Variants in MAPKAP1 observed in about 807,000 individuals in gnomAD.
MAPKAP1 encodes target of rapamycin complex 2 subunit MAPKAP1.
In MAPKAP1, 20 loss-of-function variants were observed where a neutral mutation model predicts 65.7. That is an observed-to-expected ratio of 0.30 (90% CI 0.21 to 0.44). The LOEUF is 0.44. Ranked by LOEUF, MAPKAP1 falls within the 20% of genes least tolerant of loss-of-function variation. The pLI, the probability that MAPKAP1 is intolerant of heterozygous loss-of-function variation, is 1.00. For synonymous variants in MAPKAP1, 222 were observed against 244.3 expected (o/e 0.91, Z 0.85); for missense variants, 423 against 648.0 (o/e 0.65, Z 3.77).
intron 5 of MAPKAP1, among the ~76,000 whole-genome samples, chr9:125,579,957 T>A (rs757895683): frequency 2.0e-5 from 3 of 152,226 alleles, no homozygotes; most frequent in Non-Finnish European, 4.4e-5. Context: ...AAATGTCATA[T>A]AATTGTAGTC....
chr9:125,541,119 G>A (rs1345548528), intron 7 of MAPKAP1, among the ~76,000 whole-genome samples: 1 of 152,186 alleles, frequency 6.6e-6, no homozygotes, highest in Admixed American at 6.5e-5. Flanking sequence ...AAATAACGCA[G>A]ATCACTGTTT....
intron 1 of MAPKAP1, among the ~76,000 whole-genome samples, chr9:125,704,365 G>A (rs1384104209): frequency 6.6e-6 from 1 of 152,162 alleles, no homozygotes; most frequent in Non-Finnish European, 1.5e-5. Flanking sequence ...CACCAGCAGA[G>A]TAAGTACTCA....
intron 6 of MAPKAP1, among the ~76,000 whole-genome samples, chr9:125,555,565 A>C (rs1182049803): frequency 6.6e-6 from 1 of 152,200 alleles, no homozygotes; most frequent in Non-Finnish European, 1.5e-5. Flanking sequence ...CGGGTGTAAA[A>C]AAGGGGAAGA....
chr9:125,511,542 A>G (rs958785412), intron 7 of MAPKAP1, among the ~76,000 whole-genome samples: 1 of 152,208 alleles, frequency 6.6e-6, no homozygotes, highest in African/African-American at 2.4e-5. Context: ...TTGACAGTGA[A>G]GATTATGATA....
At chr9:125,496,516 A>G (rs1241068497) in intron 8 of MAPKAP1, among the ~76,000 whole-genome samples, 2 of 152,226 alleles carry the variant, frequency 1.3e-5, no homozygotes, top group Non-Finnish European at 2.9e-5. Flanking sequence ...GAGGTGCTTA[A>G]GTCACATGAT....
intron 7 of MAPKAP1, among the ~76,000 whole-genome samples, chr9:125,515,412 CAGG>C (rs1315839555): frequency 6.6e-6 from 1 of 152,214 alleles, no homozygotes; most frequent in East Asian, 1.9e-4. Context: ...GGCTTGATGT[CAGG>C]AGCTCTATCT....
intron 1 of MAPKAP1, among the ~76,000 whole-genome samples, chr9:125,693,830 CA>C (rs1216200573): frequency 2.0e-5 from 2 of 100,344 alleles, no homozygotes; most frequent in African/African-American, 7.8e-5. Flanking sequence ...CACACACACA[CA>C]TATATATACA....
At chr9:125,579,575 G>A (rs1180416247) in intron 5 of MAPKAP1, among the ~76,000 whole-genome samples, 1 of 152,192 alleles carries the variant, frequency 6.6e-6, no homozygotes, top group Non-Finnish European at 1.5e-5. Context: ...TTACAGGTGT[G>A]AGCAACCGTG....
chr9:125,698,807 C>A (rs192588631), intron 1 of MAPKAP1, among the ~76,000 whole-genome samples: 1 of 152,122 alleles, frequency 6.6e-6, no homozygotes, highest in Admixed American at 6.6e-5. Flanking sequence ...TGTTACTCAG[C>A]AGATCAATTC....
chr9:125,507,217 C>A (rs943189990), intron 7 of MAPKAP1, among the ~76,000 whole-genome samples: 13 of 152,214 alleles, frequency 8.5e-5, no homozygotes, highest in South Asian at 4.1e-4. Flanking sequence ...TCATGTATTT[C>A]TTTGTCAACC....
At chr9:125,636,010 C>G (rs1319246817) in intron 4 of MAPKAP1, among the ~76,000 whole-genome samples, 1 of 152,156 alleles carries the variant, frequency 6.6e-6, no homozygotes, top group African/African-American at 2.4e-5. Flanking sequence ...TGTATGAACT[C>G]CTGGTATCAG....
chr9:125,532,244 C>A lies in MAPKAP1; in HGVS notation c.958+10815G>T, dbSNP rs138988293. On this transcript the variant is annotated intron_variant, in intron 7 of 11. Coordinates refer to ENST00000265960, the MANE Select transcript of MAPKAP1 (RefSeq NM_001006617.3). ...ATTTATATATCTCCTTGGTTTTCTA[C>A]CACAAAAAAGAGATAATGCCCATCT... 3.5e-3 allele frequency among the ~76,000 whole-genome samples: 526 copies of A among 152,186 alleles called. 2 individuals carry two copies. Among genetic ancestry groups the A allele is most frequent in the African/African-American group, 0.012 (504 of 41,498 alleles).
At chr9:125,678,592 A>G (rs545622041) in intron 1 of MAPKAP1, among the ~76,000 whole-genome samples, 6 of 152,286 alleles carry the variant, frequency 3.9e-5, no homozygotes, top group Non-Finnish European at 4.4e-5. Flanking sequence ...TCAAATGAAT[A>G]AATATTCAAC....
chr9:125,494,578 A>G (rs796740678), intron 8 of MAPKAP1, among the ~76,000 whole-genome samples: 16 of 151,802 alleles, frequency 1.1e-4, no homozygotes, highest in African/African-American at 2.9e-4. Flanking sequence ...TTCGAAAAAG[A>G]GCAGATCATG....
intron 1 of MAPKAP1, among the ~76,000 whole-genome samples, chr9:125,679,676 T>C (rs1194787953): frequency 6.6e-6 from 1 of 152,186 alleles, no homozygotes. Context: ...CTCTATTTCT[T>C]CAAATAACTC....
At chr9:125,445,914 A>G (rs1029577538) in intron 10 of MAPKAP1, among the ~76,000 whole-genome samples, 1 of 152,236 alleles carries the variant, frequency 6.6e-6, no homozygotes, top group Admixed American at 6.5e-5. Context: ...TAGACCAAGG[A>G]GCAGCAGGTG....
intron 5 of MAPKAP1, chr9:125,565,564 C>T (rs767929740): frequency 3.5e-6 from 1 of 281,888 alleles, no homozygotes; most frequent in Non-Finnish European, 7.5e-6. Flanking sequence ...GTGTATTGGG[C>T]ATTAGCAAGG....
chr9:125,578,710 C>G (rs940961655), intron 5 of MAPKAP1, among the ~76,000 whole-genome samples: 3 of 152,134 alleles, frequency 2.0e-5, no homozygotes, highest in Non-Finnish European at 2.9e-5. Flanking sequence ...ACACATGAAT[C>G]TTTATGTGAA....
intron 6 of MAPKAP1, among the ~76,000 whole-genome samples, chr9:125,548,952 C>G (rs1454118406): frequency 6.6e-6 from 1 of 152,094 alleles, no homozygotes; most frequent in Non-Finnish European, 1.5e-5. Flanking sequence ...CCTGAAGGAG[C>G]CAGGACTTGA....
Sources: gnomAD v4.1 joint callset for allele counts (sites outside exome capture counted in the v4.1 genomes callset) on GRCh38, gnomAD v4.1.1 for gene constraint, MANE v1.5 for transcripts, NCBI Gene and HGNC (gene_info 2026-07-23, HGNC 2026-07-21) for gene names.